The following RNF121 variants were observed in gnomAD, a reference collection of about 807,000 sequenced individuals.
RNF121 encodes the protein ring finger protein 121.
In RNF121, 21 loss-of-function variants were observed where a neutral mutation model predicts 46.5. The observed-to-expected ratio is 0.45, with a 90% CI of 0.32 to 0.65. RNF121 has a LOEUF of 0.65. RNF121 is among the 30% of genes least tolerant of loss of function. The pLI, the probability that RNF121 is intolerant of heterozygous loss-of-function variation, is 0.04. For synonymous variants in RNF121, 139 were observed against 144.7 expected (o/e 0.96, Z 0.28); for missense variants, 346 against 416.0 (o/e 0.83, Z 1.46).
chr11:71,962,877 G>A lies in RNF121; in HGVS notation c.243+1986G>A, dbSNP rs947778757. Among the ~76,000 whole-genome samples the A allele has an allele frequency of 7.2e-5, 11 of 152,124 alleles. No individual in the cohort carries two copies. In the East Asian group the frequency reaches 1.2e-3, roughly 16 times the overall value. ...CAAGACTTCTTACTTCTTTCACTCC[G>A]TTTTTTTTTAAATTTTATTTATTAT... On this transcript the variant is annotated intron_variant, in intron 3 of 8. Transcript: ENST00000361756.
At chr11:71,958,783 T>C (rs1282813058) in intron 2 of RNF121, among the ~76,000 whole-genome samples, 1 of 152,222 alleles carries the variant, frequency 6.6e-6, no homozygotes, top group African/African-American at 2.4e-5. Flanking sequence ...AAAAGGCATG[T>C]GTTCTCAGCC....
At chr11:71,945,794 A>G (rs1009168795) in intron 1 of RNF121, among the ~76,000 whole-genome samples, 1 of 22,014 alleles carries the variant, frequency 4.5e-5, no homozygotes, top group African/African-American at 8.7e-5. Context: ...CAACTCATCA[A>G]TAATAAAAAA....
chr11:71,957,573 C>G (rs1184492200), intron 2 of RNF121, among the ~76,000 whole-genome samples: 2 of 152,152 alleles, frequency 1.3e-5, no homozygotes, highest in East Asian at 1.9e-4. Context: ...AAATGAGGAT[C>G]ATAACAATAT....
In RNF121 at chr11:71,997,203, CGTGT is replaced by C. The variant is rs3841467; in HGVS notation, c.*909_*912del. On this transcript the variant is annotated 3_prime_UTR_variant, in exon 9 of 9. Coordinates refer to ENST00000361756, the MANE Select transcript of RNF121 (RefSeq NM_018320.5). ...TCTTGAAAGCCTAAGAGTGCGTATGCGTGTGTGTGTGTGTGTGTGTGTGTACGTG... is the reference window on the plus strand; with the variant it reads ...TCTTGAAAGCCTAAGAGTGCGTATGCGTGTGTGTGTGTGTGTGTGTACGTG... 391 of 147,984 alleles carry C rather than the reference CGTGT, an allele frequency of 2.6e-3. No individual in the cohort carries two copies. The highest frequency in any genetic ancestry group is 2.9e-3 in the Non-Finnish European group (192 of 66,590). The allele number at this position is 147,984 out of a possible 1,614,324, so 9.2% of individuals were successfully genotyped here. A position where few individuals can be genotyped will look rare whatever the true frequency, so the allele number is the denominator to read the frequency against.
intron 1 of RNF121, among the ~76,000 whole-genome samples, chr11:71,951,975 C>T (rs1643551598): frequency 6.6e-6 from 1 of 152,164 alleles, no homozygotes. Context: ...TCTAGGTATA[C>T]ACTCAAGAGA....
chr11:71,930,697 G>A (rs146436579), intron 1 of RNF121, among the ~76,000 whole-genome samples: 333 of 152,262 alleles, frequency 2.2e-3, no homozygotes, highest in Middle Eastern at 3.4e-3. Flanking sequence ...GGTAAATACT[G>A]TATTGAAGTT....
At chr11:71,961,965 GA>G in intron 3 of RNF121, among the ~76,000 whole-genome samples, 1 of 108,430 alleles carries the variant, frequency 9.2e-6, no homozygotes, top group East Asian at 2.6e-4. Flanking sequence ...AATCTGCAAA[GA>G]TTTTTTTTTT....
chr11:71,963,155 G>GGTT (rs1396019015), intron 3 of RNF121, among the ~76,000 whole-genome samples: 2 of 151,980 alleles, frequency 1.3e-5, no homozygotes, highest in Non-Finnish European at 2.9e-5. Flanking sequence ...ACATTTTATC[G>GGTT]GTTGTCTTGA....
rs1410150829 is a variant in RNF121, at chr11:71,995,514, A to T, written c.826A>T (p.Lys276Ter). ...AAAGAAGCAAACGTGTCCCTACTGC[A>T]AAGAGAAGGTAGACCTCAAGAGGAT... ...VGKKQTCPYCKEKVDLKRMFS... is the reference protein window; with the variant it reads ...VGKKQTCPYC Residue 276 changes from lysine (K) to a stop codon, truncating the protein, a stop_gained, in exon 8 of 9, where the codon AAA becomes TAA. Transcript: ENST00000361756. LOFTEE classifies it high-confidence loss of function. 6.3e-7 allele frequency: 1 copy of T among 1,595,908 alleles called. No individual in the cohort carries two copies.
At chr11:71,978,931 T>G (rs1232101060) in intron 3 of RNF121, among the ~76,000 whole-genome samples, 4 of 152,368 alleles carry the variant, frequency 2.6e-5, no homozygotes, top group Non-Finnish European at 4.4e-5. Context: ...CATTTCAGTG[T>G]ATCATTTCAT....
chr11:71,957,383 AGGACTG>A lies in RNF121; in HGVS notation c.101+121_101+126del, dbSNP rs1362033804. 25 of 755,308 alleles carry A rather than the reference AGGACTG, an allele frequency of 3.3e-5. No individual in the cohort carries two copies. In the African/African-American group the frequency reaches 4.6e-4, roughly 14 times the overall value. 46.8% of individuals were successfully genotyped at this position (755,308 alleles called of 1,614,324 possible). On this transcript the variant is annotated intron_variant, in intron 2 of 8. Coordinates refer to ENST00000361756, the MANE Select transcript of RNF121 (RefSeq NM_018320.5). Reference sequence around the variant, plus strand: ...TAGGAGGCAGTGGCTCATGACCGGTAGGACTGGTCTTTTGGGATCTCTCTAAGTATC... The same window carrying A: ...TAGGAGGCAGTGGCTCATGACCGGTAGTCTTTTGGGATCTCTCTAAGTATC...
intron 1 of RNF121, among the ~76,000 whole-genome samples, chr11:71,939,826 C>T (rs1953522478): frequency 6.6e-6 from 1 of 152,084 alleles, no homozygotes; most frequent in Admixed American, 6.5e-5. Flanking sequence ...TCTTTTTAGT[C>T]TTGGGAATTA....
intron 1 of RNF121, among the ~76,000 whole-genome samples, chr11:71,955,981 C>T (rs1953982145): frequency 6.6e-6 from 1 of 152,148 alleles, no homozygotes; most frequent in African/African-American, 2.4e-5. Context: ...TTTGACTTAG[C>T]TGGGAGATGT....
chr11:71,929,428 A>G (rs1474333569), intron 1 of RNF121, among the ~76,000 whole-genome samples: 1 of 152,024 alleles, frequency 6.6e-6, no homozygotes, highest in East Asian at 1.9e-4. Flanking sequence ...GGTAGGACCG[A>G]AGGGCTAAGA....
At chr11:71,942,783 T>TAGATATATATATATAG (rs200563413) in intron 1 of RNF121, among the ~76,000 whole-genome samples, 23 of 17,242 alleles carry the variant, frequency 1.3e-3, no homozygotes, top group Non-Finnish European at 3.0e-3. Flanking sequence ...TATATATATA[T>TAGATATATATATATAG]ATATATAGAT....
At chr11:71,942,552 T>G (rs1421233634) in intron 1 of RNF121, among the ~76,000 whole-genome samples, 1 of 151,814 alleles carries the variant, frequency 6.6e-6, no homozygotes, top group Non-Finnish European at 1.5e-5. Context: ...TACTTGAGAC[T>G]AGGAGTTTGA....
In RNF121 at chr11:71,996,287, G is replaced by T. The variant is rs1954975503; in HGVS notation, c.956G>T (p.Gly319Val). The change falls in exon 9 of 9, where the codon GGC becomes GTC. Residue 319 changes from glycine (G) to valine (V), a missense_variant. By Grantham distance (109) the Gly-to-Val change is moderately radical (BLOSUM62 -3). This residue lies in a region of RNF121 where 286 missense variants were observed against 383.8 expected (regional missense o/e 0.75). Transcript: ENST00000361756. The stretch of plus-strand genomic sequence containing the variant: ...CCTGTCATCATTGGTGTAGTCCAAG[G>T]CATCAACTACATCCTGGGCCTGGAA... Reference protein sequence around the residue: ...WQPVIIGVVQGINYILGLE With the variant: ...WQPVIIGVVQVINYILGLE 1 of 1,614,052 alleles carries T rather than the reference G, an allele frequency of 6.2e-7. No individual in the cohort carries two copies. Among genetic ancestry groups the T allele is most frequent in the South Asian group, 1.1e-5 (1 of 91,094 alleles).
intron 1 of RNF121, among the ~76,000 whole-genome samples, chr11:71,952,607 G>A (rs1483981334): frequency 6.6e-6 from 1 of 152,030 alleles, no homozygotes; most frequent in Non-Finnish European, 1.5e-5. Context: ...TCAGAAGTTC[G>A]AGACCAGCCT....
At chr11:71,940,300 C>T (rs184965240) in intron 1 of RNF121, among the ~76,000 whole-genome samples, 7 of 152,156 alleles carry the variant, frequency 4.6e-5, no homozygotes, top group Admixed American at 4.6e-4. Flanking sequence ...AAGATAGTGG[C>T]CATAATTCTA....
Sources: gnomAD v4.1 joint callset for allele counts (sites outside exome capture counted in the v4.1 genomes callset) on GRCh38, gnomAD v4.1.1 for gene constraint, gnomAD v4.1.1 regional missense constraint, MANE v1.5 for transcripts, NCBI Gene and HGNC (gene_info 2026-07-23, HGNC 2026-07-21) for gene names.